The following UGT2B4 variants were observed in gnomAD, a reference collection of about 807,000 sequenced individuals.
UGT2B4 encodes UDP glucuronosyltransferase family 2 member B4.
A neutral mutation model predicts 49.8 loss-of-function variants in UGT2B4; 49 were observed. The ratio of observed to expected loss-of-function variants is 0.98; its 90% CI spans 0.78 to 1.25. The LOEUF is 1.25. UGT2B4 is among the 50% of genes most tolerant of loss of function. The probability of loss-of-function intolerance (pLI) is 0.00; values close to 1 mark genes in which losing one functional copy is unlikely to be tolerated. For missense variants in UGT2B4, 729 were observed against 627.7 expected (o/e 1.16, Z -1.73); for synonymous variants, 246 against 217.7 (o/e 1.13, Z -1.14).
At chr4:69,500,618 A>AAAGCAAGAAAGCAAGC (rs1560438354), upstream of UGT2B4, among the ~76,000 whole-genome samples, 1 of 82,470 alleles carries the variant, frequency 1.2e-5, no homozygotes, top group African/African-American at 3.5e-5. Flanking sequence ...AGAAAGAAAG[A>AAAGCAAGAAAGCAAGC]AAGAAAGAAA....
chr4:69,502,091 C>CTTTATT (rs1164693410), intron 1 of UGT2B4, among the ~76,000 whole-genome samples: 1 of 108,418 alleles, frequency 9.2e-6, no homozygotes, highest in Non-Finnish European at 2.0e-5. Flanking sequence ...TTCTTTCTCT[C>CTTTATT]TCTTTCTTTC....
At chr4:69,499,713 G>C (rs1393250920), upstream of UGT2B4, among the ~76,000 whole-genome samples, 1 of 152,062 alleles carries the variant, frequency 6.6e-6, no homozygotes, top group Non-Finnish European at 1.5e-5. Context: ...CTATTTGCTT[G>C]GTAAATTTTC....
intron 1 of UGT2B4, among the ~76,000 whole-genome samples, chr4:69,513,154 T>C (rs1728649377): frequency 1.3e-5 from 2 of 152,232 alleles, no homozygotes; most frequent in African/African-American, 4.8e-5. Flanking sequence ...ATAAAATCTT[T>C]GCATGTGCCT....
chr4:69,512,827 T>C (rs528677801), intron 1 of UGT2B4, among the ~76,000 whole-genome samples: 4 of 152,350 alleles, frequency 2.6e-5, no homozygotes, highest in African/African-American at 9.6e-5. Flanking sequence ...TGTATTTCTT[T>C]AACGATCAAA....
chr4:69,502,796 T>G (rs1442280720), intron 1 of UGT2B4, among the ~76,000 whole-genome samples: 1 of 152,134 alleles, frequency 6.6e-6, no homozygotes, highest in Non-Finnish European at 1.5e-5. Context: ...TCAAAGACCC[T>G]AAATGCCATA....
intron 1 of UGT2B4, among the ~76,000 whole-genome samples, chr4:69,525,158 TTGTA>T (rs1038613686): frequency 8.5e-5 from 13 of 152,284 alleles, no homozygotes; most frequent in South Asian, 2.1e-4. Flanking sequence ...GTTTGTTTGT[TTGTA>T]TGTTTTGTTT....
At chr4:69,519,144 A>C (rs571158568) in intron 1 of UGT2B4, among the ~76,000 whole-genome samples, 1 of 152,312 alleles carries the variant, frequency 6.6e-6, no homozygotes, top group Non-Finnish European at 1.5e-5. Context: ...CTATAATGAC[A>C]AATTATGGAT....
rs200513565 is a variant in UGT2B4, at chr4:69,495,741, T to A, written c.121A>T (p.Thr41Ser). Reference sequence around the variant, plus strand: ...CTCTGGACAAGTTCATCCAGGATTGTCTTTATATTCATCCAGTGGCTGAAT... The same window carrying A: ...CTCTGGACAAGTTCATCCAGGATTGACTTTATATTCATCCAGTGGCTGAAT... Reference protein sequence around the residue: ...TEFSHWMNIKTILDELVQRGH... With the variant: ...TEFSHWMNIKSILDELVQRGH... Residue 41 changes from threonine to serine, a missense_variant, in exon 1 of 6, where the codon ACA becomes TCA. Physicochemically the swap from Thr to Ser is moderately conservative, Grantham distance 58 (BLOSUM62 1). Coordinates refer to ENST00000305107, the MANE Select transcript of UGT2B4 (RefSeq NM_021139.3). 759 of 1,614,078 alleles carry A rather than the reference T, an allele frequency of 4.7e-4. 4 individuals are homozygous for A. The highest frequency in any genetic ancestry group is 3.8e-4 in the Admixed American group (23 of 60,008).
intron 4 of UGT2B4, among the ~76,000 whole-genome samples, chr4:69,485,690 CAT>C (rs33914959): frequency 0.44 from 67,375 of 151,448 alleles, 15,185 homozygotes; most frequent in South Asian, 0.62. Flanking sequence ...AAGGAAACAT[CAT>C]GTGCAGAAAA....
intron 1 of UGT2B4, among the ~76,000 whole-genome samples, chr4:69,505,036 C>T (rs1223289197): frequency 1.3e-5 from 2 of 152,062 alleles, no homozygotes; most frequent in Non-Finnish European, 1.5e-5. Flanking sequence ...CTGTTACCAC[C>T]ACACCTGCCT....
At chr4:69,491,257 A>G (rs1727977213) in intron 2 of UGT2B4, among the ~76,000 whole-genome samples, 1 of 152,034 alleles carries the variant, frequency 6.6e-6, no homozygotes, top group African/African-American at 2.4e-5. Flanking sequence ...AGCTGACTGT[A>G]ACTGAATATT....
rs1394606392 is a variant in UGT2B4, at chr4:69,495,765, A to G, written c.97T>C (p.Phe33Leu). 6.2e-7 allele frequency: 1 copy of G among 1,614,012 alleles called. No homozygotes were observed. Reference sequence around the variant, plus strand: ...GTCTTTATATTCATCCAGTGGCTGAATTCTGTGGGCCACACCAGCACCTTT... The same window carrying G: ...GTCTTTATATTCATCCAGTGGCTGAGTTCTGTGGGCCACACCAGCACCTTT... ...CGKVLVWPTE[F>L]SHWMNIKTIL... is the part of the protein sequence containing the mutation. Residue 33 changes from phenylalanine to leucine, a missense_variant, in exon 1 of 6, where the codon TTC becomes CTC. Coordinates refer to ENST00000305107, the MANE Select transcript of UGT2B4 (RefSeq NM_021139.3).
intron 1 of UGT2B4, among the ~76,000 whole-genome samples, chr4:69,504,914 A>C (rs898913973): frequency 6.6e-6 from 1 of 152,210 alleles, no homozygotes; most frequent in African/African-American, 2.4e-5. Flanking sequence ...TCTCAGCTGA[A>C]ACCCTATAAG....
At chr4:69,500,366 A>G (rs962789798), upstream of UGT2B4, among the ~76,000 whole-genome samples, 8 of 151,984 alleles carry the variant, frequency 5.3e-5, no homozygotes, top group Non-Finnish European at 1.0e-4. Flanking sequence ...ACAAACCTGC[A>G]CATCCTGGAC....
intron 4 of UGT2B4, 163 bp downstream of exon 4, chr4:69,486,446 A>AATTATC (rs41297427): frequency 0.65 from 263,135 of 406,338 alleles, 87,115 homozygotes; most frequent in Admixed American, 0.73. Context: ...AAATGCCAAC[A>AATTATC]ATTTATTCTT....
chr4:69,523,746 C>T (rs1350044655), intron 1 of UGT2B4, among the ~76,000 whole-genome samples: 2 of 152,094 alleles, frequency 1.3e-5, no homozygotes, highest in Non-Finnish European at 2.9e-5. Context: ...TCTTATCTTT[C>T]ACTATTAAAG....
At chr4:69,519,704 G>T (rs1382529459) in intron 1 of UGT2B4, among the ~76,000 whole-genome samples, 2 of 152,196 alleles carry the variant, frequency 1.3e-5, no homozygotes, top group Non-Finnish European at 2.9e-5. Context: ...CCCTAAAACA[G>T]TTCTGTTGAA....
chr4:69,500,660 A>AGGAAG (rs1728294072), upstream of UGT2B4, among the ~76,000 whole-genome samples: 1 of 119,880 alleles, frequency 8.3e-6, no homozygotes, highest in East Asian at 2.1e-4. Flanking sequence ...AAAGAAAGAA[A>AGGAAG]GAAAGAAAGG....
At chr4:69,489,025 A>G (rs1245631560) in intron 3 of UGT2B4, among the ~76,000 whole-genome samples, 1 of 152,080 alleles carries the variant, frequency 6.6e-6, no homozygotes, top group Non-Finnish European at 1.5e-5. Context: ...AATACCTGCT[A>G]TTGTTATTGT....
Sources: gnomAD v4.1 joint callset for allele counts (sites outside exome capture counted in the v4.1 genomes callset) on GRCh38, gnomAD v4.1.1 for gene constraint, MANE v1.5 for transcripts, NCBI Gene and HGNC (gene_info 2026-07-23, HGNC 2026-07-21) for gene names.